STXBP5L: variants seen among roughly 807,000 people sequenced by gnomAD.
STXBP5L encodes the protein syntaxin-binding protein 5-like.
Under a neutral mutation model 144.5 loss-of-function variants are expected in STXBP5L, and 65 were observed. The ratio of observed to expected loss-of-function variants is 0.45; its 90% CI spans 0.37 to 0.55. The LOEUF (loss-of-function observed/expected upper bound fraction) is 0.55. STXBP5L is among the 20% of genes least tolerant of loss of function. The pLI is 0.00. For missense variants in STXBP5L, 1,298 were observed against 1,405.5 expected, an observed-to-expected ratio of 0.92 and a Z score of 1.22; for synonymous variants, 505 against 469.6, an observed-to-expected ratio of 1.08 and a Z score of -0.97.
chr3:121,089,908 A>G (rs1386970534), intron 5 of STXBP5L, among the ~76,000 whole-genome samples: 2 of 152,050 alleles, frequency 1.3e-5, no homozygotes, highest in Non-Finnish European at 2.9e-5. Flanking sequence ...TTTAAGTAGT[A>G]AAATTTGTAA....
At chr3:121,069,295 C>T (rs1169453474) in intron 5 of STXBP5L, among the ~76,000 whole-genome samples, 1 of 152,146 alleles carries the variant, frequency 6.6e-6, no homozygotes, top group African/African-American at 2.4e-5. Flanking sequence ...GCATAATTTC[C>T]TGGAGATTCA....
chr3:121,061,173 C>G (rs535373981), intron 5 of STXBP5L, among the ~76,000 whole-genome samples: 1 of 152,066 alleles, frequency 6.6e-6, no homozygotes, highest in Non-Finnish European at 1.5e-5. Context: ...TACGTTAAGT[C>G]TTTGTTCTCA....
chr3:121,086,918 C>T (rs1375921250), intron 5 of STXBP5L, among the ~76,000 whole-genome samples: 2 of 152,016 alleles, frequency 1.3e-5, no homozygotes, highest in African/African-American at 4.8e-5. Flanking sequence ...TTTCTCAGAA[C>T]TTATGCCCAT....
intron 9 of STXBP5L, among the ~76,000 whole-genome samples, chr3:121,195,807 G>T (rs1341053286): frequency 6.6e-6 from 1 of 152,144 alleles, no homozygotes; most frequent in Non-Finnish European, 1.5e-5. Flanking sequence ...ATGGGAGAAT[G>T]GTGGAACCTG....
At position 121,183,387 on chromosome 3, in the gene STXBP5L, G is replaced by A. The variant is rs578153236; in HGVS notation, c.878-22536G>A. Among the ~76,000 whole-genome samples the A allele has an allele frequency of 2.6e-3, 390 of 152,196 alleles. 1 individual carries two copies. Among genetic ancestry groups the A allele is most frequent in the Non-Finnish European group, 3.8e-3 (258 of 68,008 alleles). On this transcript the variant is annotated intron_variant, in intron 9 of 26. Coordinates refer to ENST00000471454, the MANE Select transcript of STXBP5L (RefSeq NM_001308330.2). ...CACCAATGATATGATTGTATACCTAGAAAACCGTAAAGACTAATCCAGAAA... is the reference window on the plus strand; with the variant it reads ...CACCAATGATATGATTGTATACCTAAAAAACCGTAAAGACTAATCCAGAAA...
At chr3:121,196,841 T>C (rs373180001) in intron 9 of STXBP5L, among the ~76,000 whole-genome samples, 5 of 150,468 alleles carry the variant, frequency 3.3e-5, no homozygotes, top group African/African-American at 1.2e-4. Flanking sequence ...AGATTATTGA[T>C]TGATTGATTG....
chr3:121,276,064 C>G (rs781753105), intron 18 of STXBP5L, among the ~76,000 whole-genome samples: 2 of 151,488 alleles, frequency 1.3e-5, no homozygotes, highest in African/African-American at 4.8e-5. Context: ...TTTGTCCCCC[C>G]ACTCCCCCTT....
At chr3:121,126,298 T>G (rs1250208490) in intron 7 of STXBP5L, among the ~76,000 whole-genome samples, 1 of 152,210 alleles carries the variant, frequency 6.6e-6, no homozygotes, top group Admixed American at 6.5e-5. Context: ...GGCTGCTTTC[T>G]TGCTGTAAGA....
intron 18 of STXBP5L, among the ~76,000 whole-genome samples, chr3:121,271,681 G>A (rs1324795270): frequency 6.6e-6 from 1 of 152,120 alleles, no homozygotes; most frequent in African/African-American, 2.4e-5. Flanking sequence ...ATTCTTCTAA[G>A]AAATCTTTTT....
At chr3:121,012,661 T>C (rs1340173830) in intron 3 of STXBP5L, among the ~76,000 whole-genome samples, 1 of 151,786 alleles carries the variant, frequency 6.6e-6, no homozygotes. Context: ...TTTTGCTCAG[T>C]TTTATTTGGG....
chr3:121,356,949 T>C (rs1362694313), intron 20 of STXBP5L: 2 of 158,304 alleles, frequency 1.3e-5, no homozygotes, highest in African/African-American at 2.4e-5. Context: ...CTTTCAGGAG[T>C]GCCTCAATCC....
At chr3:121,024,505 A>G (rs1482690421) in intron 3 of STXBP5L, among the ~76,000 whole-genome samples, 1 of 152,146 alleles carries the variant, frequency 6.6e-6, no homozygotes, top group Non-Finnish European at 1.5e-5. Context: ...CAGCTCTCGG[A>G]TACATTCAGC....
intron 3 of STXBP5L, among the ~76,000 whole-genome samples, chr3:121,015,952 A>G (rs1239808602): frequency 6.6e-6 from 1 of 152,192 alleles, no homozygotes; most frequent in African/African-American, 2.4e-5. Flanking sequence ...CCCACATCTT[A>G]CCATAACATG....
intron 20 of STXBP5L, among the ~76,000 whole-genome samples, chr3:121,349,730 T>C (rs1018947074): frequency 6.6e-6 from 1 of 152,112 alleles, no homozygotes; most frequent in African/African-American, 2.4e-5. Flanking sequence ...TTTGTCTCTT[T>C]AGATCTTTCT....
At chr3:121,144,248 G>A (rs1252962850) in intron 7 of STXBP5L, among the ~76,000 whole-genome samples, 1 of 151,626 alleles carries the variant, frequency 6.6e-6, no homozygotes, top group African/African-American at 2.4e-5. Flanking sequence ...GGGAAGAGAA[G>A]TTTTAAGTGT....
chr3:120,930,705 G>A (rs557786423), intron 2 of STXBP5L, among the ~76,000 whole-genome samples: 3 of 152,194 alleles, frequency 2.0e-5, no homozygotes, highest in African/African-American at 4.8e-5. Flanking sequence ...CAAACAGCCC[G>A]TCGGTTGCAC....
At chr3:120,944,948 T>G (rs907241604) in intron 2 of STXBP5L, among the ~76,000 whole-genome samples, 1 of 151,826 alleles carries the variant, frequency 6.6e-6, no homozygotes, top group Non-Finnish European at 1.5e-5. Context: ...TTTAAATGAT[T>G]TGGCTGTTAT....
At chr3:121,162,652 A>C (rs551255230) in intron 9 of STXBP5L, among the ~76,000 whole-genome samples, 2 of 152,320 alleles carry the variant, frequency 1.3e-5, no homozygotes, top group Non-Finnish European at 2.9e-5. Context: ...AATGGGAGAA[A>C]ATTTTTGCAA....
chr3:121,417,631 A>G (rs546998438), intron 25 of STXBP5L, among the ~76,000 whole-genome samples: 5 of 152,156 alleles, frequency 3.3e-5, no homozygotes, highest in African/African-American at 1.2e-4. Flanking sequence ...ACTCCCGGCT[A>G]ATTTTGTACT....
Sources: allele counts gnomAD v4.1 joint callset (sites outside exome capture counted in the v4.1 genomes callset), GRCh38; gene constraint gnomAD v4.1.1; transcripts MANE v1.5; gene names NCBI Gene and HGNC (gene_info 2026-07-23, HGNC 2026-07-21).